The following ANXA4 variants were observed in gnomAD, a reference collection of about 807,000 sequenced individuals.
ANXA4 encodes the protein 35-beta calcimedin.
In ANXA4, 39 loss-of-function variants were observed where a neutral mutation model predicts 49.8. The observed-to-expected ratio is 0.78, with a 90% CI of 0.61 to 1.02. The LOEUF (loss-of-function observed/expected upper bound fraction) is 1.02. ANXA4 is among the 50% of genes least tolerant of loss of function. ANXA4 has a pLI of 0.00. For synonymous variants in ANXA4, 134 were observed against 152.5 expected, an observed-to-expected ratio of 0.88 and a Z score of 0.89; for missense variants, 360 against 410.1, an observed-to-expected ratio of 0.88 and a Z score of 1.05.
intron 2 of ANXA4, among the ~76,000 whole-genome samples, chr2:69,699,688 C>A (rs1182077969): frequency 5.9e-5 from 9 of 152,006 alleles, no homozygotes; most frequent in Middle Eastern, 3.4e-3. Flanking sequence ...AGAAAAAAAA[C>A]AAATTTAGGC....
At chr2:69,664,344 T>C (rs1213685278) in intron 2 of ANXA4, among the ~76,000 whole-genome samples, 35 of 152,170 alleles carry the variant, frequency 2.3e-4, no homozygotes, top group Admixed American at 2.2e-3. Flanking sequence ...CTTTTGTGTG[T>C]GTGTTTTTTT....
intron 1 of ANXA4, among the ~76,000 whole-genome samples, chr2:69,647,082 GC>G (rs898004091): frequency 1.3e-5 from 2 of 152,174 alleles, no homozygotes; most frequent in African/African-American, 4.8e-5. Context: ...TGCATGTGCT[GC>G]CCCCCGCTTT....
At chr2:69,745,740 A>G (rs1670585024) in intron 1 of ANXA4, among the ~76,000 whole-genome samples, 1 of 152,088 alleles carries the variant, frequency 6.6e-6, no homozygotes, top group Admixed American at 6.5e-5. Flanking sequence ...CATATTGGCC[A>G]GGCTGGTCTC....
intron 2 of ANXA4, among the ~76,000 whole-genome samples, chr2:69,701,994 T>G (rs1389993302): frequency 6.6e-6 from 1 of 152,118 alleles, no homozygotes; most frequent in Non-Finnish European, 1.5e-5. Context: ...CAGATCTTCT[T>G]GCTGTTTACT....
At chr2:69,824,547 G>A (rs1188432074) in intron 12 of ANXA4, among the ~76,000 whole-genome samples, 1 of 148,976 alleles carries the variant, frequency 6.7e-6, no homozygotes, top group African/African-American at 2.5e-5. Context: ...ATTTAGTCCA[G>A]TAATTCCCAT....
chr2:69,673,362 G>A (rs995520737), intron 2 of ANXA4, among the ~76,000 whole-genome samples: 2 of 152,076 alleles, frequency 1.3e-5, no homozygotes, highest in Non-Finnish European at 1.5e-5. Flanking sequence ...ACAGGGACAT[G>A]GATGAAGCTG....
chr2:69,650,071 G>T (rs1282368477), intron 1 of ANXA4, among the ~76,000 whole-genome samples: 1 of 149,938 alleles, frequency 6.7e-6, no homozygotes, highest in South Asian at 2.1e-4. Flanking sequence ...GAATAGCTGG[G>T]ATTACAAGCA....
chr2:69,786,795 C>T (rs1672434389), intron 2 of ANXA4, among the ~76,000 whole-genome samples: 1 of 152,138 alleles, frequency 6.6e-6, no homozygotes, highest in Admixed American at 6.5e-5. Context: ...GATCTCGGCT[C>T]ACTGCAGTCT....
chr2:69,791,705 A>T (rs1281868771), intron 3 of ANXA4, among the ~76,000 whole-genome samples: 1 of 152,206 alleles, frequency 6.6e-6, no homozygotes, highest in Admixed American at 6.5e-5. Context: ...TATGAGTCCC[A>T]TACATTTTTT....
intron 1 of ANXA4, among the ~76,000 whole-genome samples, chr2:69,752,733 C>T (rs1260078198): frequency 6.6e-6 from 1 of 152,160 alleles, no homozygotes; most frequent in Admixed American, 6.5e-5. Flanking sequence ...TCGGCCCTTG[C>T]TAGAAGTGTG....
intron 2 of ANXA4, among the ~76,000 whole-genome samples, chr2:69,687,411 G>C (rs1190953264): frequency 6.6e-6 from 1 of 151,724 alleles, no homozygotes; most frequent in Non-Finnish European, 1.5e-5. Flanking sequence ...AGGAGGCTGA[G>C]ACAAGAGAAT....
chr2:69,693,722 G>A (rs191012714), intron 2 of ANXA4, among the ~76,000 whole-genome samples: 3 of 152,310 alleles, frequency 2.0e-5, no homozygotes, highest in Admixed American at 2.0e-4. Context: ...CCCACTCCCA[G>A]GGGGTTCCTG....
intron 2 of ANXA4, among the ~76,000 whole-genome samples, chr2:69,666,045 A>T (rs1037346919): frequency 2.6e-5 from 4 of 152,200 alleles, no homozygotes; most frequent in African/African-American, 9.7e-5. Context: ...TCTACAAAAA[A>T]TACAAAAAAA....
chr2:69,810,955 C>G, intron 7 of ANXA4: 1 of 426,184 alleles, frequency 2.3e-6, no homozygotes, highest in South Asian at 3.1e-5. Flanking sequence ...GAGGCAGTTC[C>G]TGGGCCTTAA....
chr2:69,695,910 T>TAA (rs57629648), intron 2 of ANXA4, among the ~76,000 whole-genome samples: 2 of 151,394 alleles, frequency 1.3e-5, no homozygotes, highest in African/African-American at 2.4e-5. Flanking sequence ...ACTTTTTTGC[T>TAA]AAAAAAAAAT....
chr2:69,662,167 G>A (rs774229165), intron 2 of ANXA4, among the ~76,000 whole-genome samples: 1 of 152,174 alleles, frequency 6.6e-6, no homozygotes, highest in Non-Finnish European at 1.5e-5. Context: ...TGGGTACCAT[G>A]ATAAGAAGAG....
At chr2:69,724,959 C>T (rs1235840740) in intron 3 of ANXA4, among the ~76,000 whole-genome samples, 3 of 152,192 alleles carry the variant, frequency 2.0e-5, no homozygotes, top group African/African-American at 7.2e-5. Context: ...TTTGAAAATA[C>T]CTGCTCATCC....
At chr2:69,818,927 G>A (rs908855444) in intron 10 of ANXA4, among the ~76,000 whole-genome samples, 4 of 152,188 alleles carry the variant, frequency 2.6e-5, no homozygotes, top group African/African-American at 9.7e-5. Context: ...CTATGTGAAA[G>A]GTAATAATGT....
intron 3 of ANXA4, among the ~76,000 whole-genome samples, chr2:69,735,154 G>T (rs1035360604): frequency 8.5e-5 from 13 of 152,188 alleles, no homozygotes; most frequent in Non-Finnish European, 1.2e-4. Flanking sequence ...ATCATGGAAA[G>T]AATTTATTTT....
Sources: gnomAD v4.1 joint callset for allele counts (sites outside exome capture counted in the v4.1 genomes callset) on GRCh38, gnomAD v4.1.1 for gene constraint, MANE v1.5 for transcripts, NCBI Gene and HGNC (gene_info 2026-07-23, HGNC 2026-07-21) for gene names.